Variants in TTC7A observed in about 807,000 individuals in gnomAD.
The protein encoded by TTC7A is tetratricopeptide repeat protein 7A.
TTC7A carries 110 observed loss-of-function variants against 103.7 expected under a neutral mutation model. That is an observed-to-expected ratio of 1.06 (90% confidence interval 0.91 to 1.24). TTC7A has a LOEUF of 1.24. TTC7A is among the 50% of genes most tolerant of loss of function. The pLI is 0.00. For synonymous variants in TTC7A, 521 were observed against 467.9 expected, an observed-to-expected ratio of 1.11 and a Z score of -1.47; for missense variants, 1,340 against 1,116.3, an observed-to-expected ratio of 1.20 and a Z score of -2.86.
intron 5 of TTC7A, among the ~76,000 whole-genome samples, chr2:46,981,105 C>G (rs897877061): frequency 1.3e-5 from 2 of 152,172 alleles, no homozygotes; most frequent in African/African-American, 2.4e-5. Flanking sequence ...GTGATCAGCT[C>G]AACCTTCAGC....
Position 47,020,892 on chromosome 2 carries a change from C to A in TTC7A, c.1393-970C>A, listed in dbSNP as rs1175845894. 2.0e-5 allele frequency among the ~76,000 whole-genome samples: 3 copies of A among 152,232 alleles called. No individual in the cohort carries two copies. The East Asian group carries it at 5.8e-4, about 29-fold the overall frequency. On this transcript the variant is annotated intron_variant, in intron 11 of 19. Transcript: ENST00000319190. ...GGATGGGGGCCGGGCAGGGGCAGCA[C>A]TGGCTTTGGGGCTAGAAGCCAACTT...
At chr2:47,002,622 G>A (rs540062499) in intron 8 of TTC7A, among the ~76,000 whole-genome samples, 1 of 152,176 alleles carries the variant, frequency 6.6e-6, no homozygotes, top group South Asian at 2.1e-4. Flanking sequence ...AGGAACTGAT[G>A]CTCCCATAGT....
intron 2 of TTC7A, among the ~76,000 whole-genome samples, chr2:46,923,643 A>ACAT (rs1171758367): frequency 6.6e-6 from 1 of 152,170 alleles, no homozygotes; most frequent in Non-Finnish European, 1.5e-5. Context: ...TGTAATCCTA[A>ACAT]CATCTTGGGA....
intron 15 of TTC7A, among the ~76,000 whole-genome samples, chr2:47,031,858 G>A (rs1374652540): frequency 6.6e-6 from 1 of 152,236 alleles, no homozygotes; most frequent in Non-Finnish European, 1.5e-5. Context: ...CCCAGGCTGT[G>A]TGAGGTGTGG....
intron 4 of TTC7A, among the ~76,000 whole-genome samples, chr2:46,977,778 G>T (rs949077414): frequency 1.3e-5 from 2 of 152,106 alleles, no homozygotes; most frequent in African/African-American, 4.8e-5. Context: ...TCACTCTTTT[G>T]CCCAGGCTGG....
At chr2:46,962,481 A>C (rs1187092790) in intron 3 of TTC7A, among the ~76,000 whole-genome samples, 2 of 152,182 alleles carry the variant, frequency 1.3e-5, no homozygotes, top group African/African-American at 2.4e-5. Context: ...ATTTGTCAGC[A>C]GTTGATTCAG....
chr2:47,042,996 C>T (rs960216469), intron 15 of TTC7A, among the ~76,000 whole-genome samples: 1 of 152,164 alleles, frequency 6.6e-6, no homozygotes, highest in African/African-American at 2.4e-5. Flanking sequence ...GAGGCTGTGG[C>T]CACAGCTTCG....
At chr2:46,987,840 G>GTGTT (rs1161673058) in intron 5 of TTC7A, among the ~76,000 whole-genome samples, 1 of 151,208 alleles carries the variant, frequency 6.6e-6, no homozygotes, top group East Asian at 1.9e-4. Flanking sequence ...GTGTGTGTGT[G>GTGTT]TGTTTGTGTG....
chr2:46,981,244 A>C (rs1674428060), intron 5 of TTC7A, among the ~76,000 whole-genome samples: 1 of 151,150 alleles, frequency 6.6e-6, no homozygotes, highest in Non-Finnish European at 1.5e-5. Flanking sequence ...TTTTTTTTTA[A>C]CAACCACAAC....
intron 15 of TTC7A, among the ~76,000 whole-genome samples, chr2:47,031,252 T>G (rs371541304): frequency 5.9e-5 from 9 of 152,218 alleles, no homozygotes; most frequent in African/African-American, 1.9e-4. Context: ...GACAAGGGAT[T>G]AGTTGCCTTG....
intron 19 of TTC7A, among the ~76,000 whole-genome samples, chr2:47,071,412 A>T (rs1684696287): frequency 6.6e-6 from 1 of 152,062 alleles, no homozygotes; most frequent in Admixed American, 6.5e-5. Flanking sequence ...TAGAGAGATC[A>T]GTCACTCCAC....
intron 15 of TTC7A, among the ~76,000 whole-genome samples, chr2:47,036,341 G>C (rs576617405): frequency 3.5e-4 from 53 of 152,346 alleles, no homozygotes; most frequent in African/African-American, 1.3e-3. Flanking sequence ...TTCAAAGTGA[G>C]ATCACGTTAA....
At chr2:46,964,451 T>G (rs1672663998) in intron 3 of TTC7A, among the ~76,000 whole-genome samples, 1 of 152,156 alleles carries the variant, frequency 6.6e-6, no homozygotes, top group Non-Finnish European at 1.5e-5. Context: ...GTGTCTCTCT[T>G]CACTGGGGTT....
chr2:47,042,509 A>C (rs1471600536), intron 15 of TTC7A, among the ~76,000 whole-genome samples: 1 of 152,198 alleles, frequency 6.6e-6, no homozygotes, highest in Non-Finnish European at 1.5e-5. Flanking sequence ...TCTTTAAAAA[A>C]AAAAAGGAAA....
chr2:46,957,107 C>A, intron 3 of TTC7A, 100 bp downstream of exon 3: 1 of 1,466,152 alleles, frequency 6.8e-7, no homozygotes, highest in Non-Finnish European at 9.4e-7. Flanking sequence ...TTCTTCACCC[C>A]TGGTAGTGCC....
At position 47,060,869 on chromosome 2, in the gene TTC7A, G is replaced by A; in HGVS notation, c.2253G>A (p.Arg751=). Residue 751 remains arginine (R), a synonymous_variant, in exon 19 of 20, where the codon CGG becomes CGA. Transcript: ENST00000319190. ...FPTSHSVLYM[R]GRLAEVKGNL... is the part of the protein sequence containing the mutation. ...CTTCTCACTCAGTACTCTATATGCG[G>A]GGCCGGCTGGCTGAGGTGAAGGGCA... The A allele has an allele frequency of 6.2e-7, 1 of 1,614,208 alleles. No homozygotes were observed. Among genetic ancestry groups the A allele is most frequent in the Non-Finnish European group, 8.5e-7 (1 of 1,180,026 alleles).
At chr2:46,977,901 G>C (rs755473685) in intron 4 of TTC7A, among the ~76,000 whole-genome samples, 5 of 152,172 alleles carry the variant, frequency 3.3e-5, no homozygotes, top group Non-Finnish European at 5.9e-5. Flanking sequence ...GACATTTTCT[G>C]AGCCTCAGTT....
chr2:46,994,389 G>A lies in TTC7A; in HGVS notation c.876G>A (p.Leu292=), dbSNP rs1337483527. 6.2e-7 allele frequency: 1 copy of A among 1,613,812 alleles called. No homozygotes were observed. Residue 292 remains leucine, a synonymous_variant, in exon 7 of 20, where the codon CTG becomes CTA. Coordinates refer to ENST00000319190, the MANE Select transcript of TTC7A (RefSeq NM_020458.4). ...CCAAGCACCTGGCGGGGGTCCTGCT[G>A]CACTCCCTGAGTGAGGAGTGCTACT... is the stretch of plus-strand genomic sequence containing the variant. ...MAAKHLAGVL[L]HSLSEECYWS...
chr2:46,974,689 T>C (rs1673679551), intron 3 of TTC7A: 1 of 537,994 alleles, frequency 1.9e-6, no homozygotes, highest in African/African-American at 1.9e-5. Context: ...CTTAGAAAAA[T>C]GGGGATACTG....
Sources: gnomAD v4.1 joint callset for allele counts (sites outside exome capture counted in the v4.1 genomes callset) on GRCh38, gnomAD v4.1.1 for gene constraint, MANE v1.5 for transcripts, NCBI Gene and HGNC (gene_info 2026-07-23, HGNC 2026-07-21) for gene names.